TTLL11: variants seen among roughly 807,000 people sequenced by gnomAD.
TTLL11 encodes tubulin polyglutamylase TTLL11.
A neutral mutation model predicts 51.7 loss-of-function variants in TTLL11; 42 were observed. The ratio of observed to expected loss-of-function variants is 0.81; its 90% CI spans 0.64 to 1.05. TTLL11 has a LOEUF of 1.05. Among genes scored for constraint, TTLL11 ranks in the 50% least tolerant of loss-of-function variants. The probability of loss-of-function intolerance (pLI) is 0.00; values close to 1 mark genes in which losing one functional copy is unlikely to be tolerated. For synonymous variants in TTLL11, 381 were observed against 383.5 expected (o/e 0.99, Z 0.08); for missense variants, 799 against 940.4 (o/e 0.85, Z 1.97).
At chr9:122,083,999 G>T (rs371721946) in intron 1 of TTLL11, among the ~76,000 whole-genome samples, 2 of 152,118 alleles carry the variant, frequency 1.3e-5, no homozygotes, top group African/African-American at 4.8e-5. Context: ...GAATTGGAAC[G>T]AAGTTATTTA....
At chr9:121,925,271 C>G (rs962794380) in intron 6 of TTLL11, among the ~76,000 whole-genome samples, 7 of 152,244 alleles carry the variant, frequency 4.6e-5, no homozygotes, top group Non-Finnish European at 7.3e-5. Flanking sequence ...GAGAAAGTGA[C>G]CAAATGTCAC....
intron 6 of TTLL11, among the ~76,000 whole-genome samples, chr9:121,924,977 T>C (rs1840670614): frequency 6.6e-6 from 1 of 152,160 alleles, no homozygotes; most frequent in Admixed American, 6.5e-5. Flanking sequence ...ATTGATTTTG[T>C]TTCTTTTCGA....
At chr9:121,892,958 G>A (rs1025494574) in intron 6 of TTLL11, among the ~76,000 whole-genome samples, 1 of 152,140 alleles carries the variant, frequency 6.6e-6, no homozygotes, top group African/African-American at 2.4e-5. Context: ...CCCTCACTGG[G>A]AAGGGAGCTC....
chr9:121,980,034 A>C (rs1305053416), intron 4 of TTLL11, among the ~76,000 whole-genome samples: 1 of 151,506 alleles, frequency 6.6e-6, no homozygotes, highest in African/African-American at 2.4e-5. Context: ...GCAGTGATAA[A>C]ACAAAACTCC....
intron 8 of TTLL11, 81 bp downstream of exon 8, chr9:121,860,256 C>T: frequency 4.5e-6 from 5 of 1,113,218 alleles, no homozygotes; most frequent in Non-Finnish European, 6.5e-6. Flanking sequence ...CATCTGAACC[C>T]TTGACAAGAA....
intron 1 of TTLL11, among the ~76,000 whole-genome samples, chr9:122,040,817 T>C (rs1844827323): frequency 6.6e-6 from 1 of 152,272 alleles, no homozygotes; most frequent in Admixed American, 6.5e-5. Context: ...ACAACTTCCA[T>C]CTATAATTTA....
intron 6 of TTLL11, among the ~76,000 whole-genome samples, chr9:121,956,539 C>T (rs1842021463): frequency 6.6e-6 from 1 of 152,192 alleles, no homozygotes; most frequent in Non-Finnish European, 1.5e-5. Context: ...GTTTCAATGG[C>T]CTCCCTCGCC....
intron 1 of TTLL11, among the ~76,000 whole-genome samples, chr9:122,088,308 A>T (rs548311138): frequency 2.0e-4 from 31 of 152,282 alleles, no homozygotes; most frequent in Admixed American, 1.4e-3. Context: ...CTCACCTCCC[A>T]GACCAAACTG....
At chr9:122,004,779 A>G (rs924470528) in intron 3 of TTLL11, among the ~76,000 whole-genome samples, 6 of 152,222 alleles carry the variant, frequency 3.9e-5, no homozygotes, top group Admixed American at 1.3e-4. Context: ...TCTTTCCATG[A>G]CACCACGTTG....
In TTLL11 at chr9:121,826,515, G is replaced by GTGTGTGTGTATATATATATGTGTGTA. The variant is rs1424855550; in HGVS notation, c.1841-3637_1841-3636insTACACACATATATATATACACACACA. Among the ~76,000 whole-genome samples the GTGTGTGTGTATATATATATGTGTGTA allele has an allele frequency of 9.6e-4, 33 of 34,452 alleles. 2 individuals are homozygous for GTGTGTGTGTATATATATATGTGTGTA. The East Asian group carries it at 0.018, about 19-fold the overall frequency. 22.6% of individuals were successfully genotyped at this position (34,452 alleles called of 152,430 possible). On this transcript the variant is annotated intron_variant, in intron 8 of 8. Transcript: ENST00000321582. The stretch of plus-strand genomic sequence containing the variant: ...TATATGTGTGTGTATATATATATAT[G>GTGTGTGTGTATATATATATGTGTGTA]TATATATATATATGTGTGTGTGTAT...
chr9:122,086,942 T>G (rs1274093199), intron 1 of TTLL11, among the ~76,000 whole-genome samples: 1 of 152,232 alleles, frequency 6.6e-6, no homozygotes, highest in East Asian at 1.9e-4. Flanking sequence ...TTGAGAATAG[T>G]AATGATGATA....
In TTLL11 at chr9:121,998,703, T is replaced by C. The variant is rs186984491; in HGVS notation, c.694-8933A>G. The stretch of plus-strand genomic sequence containing the variant: ...CTAGCAGTATTGCTCAATTGCAGTA[T>C]TGAGCAATTGCAGTATTGATCAGTG... On this transcript the variant is annotated intron_variant, in intron 3 of 8. Coordinates refer to ENST00000321582, the MANE Select transcript of TTLL11 (RefSeq NM_001139442.2). Among the ~76,000 whole-genome samples, 5 of 152,302 alleles carry C rather than the reference T, an allele frequency of 3.3e-5. No homozygotes were observed. The East Asian group carries it at 9.7e-4, about 29-fold the overall frequency.
At chr9:121,965,414 C>A (rs1006394111) in intron 6 of TTLL11, among the ~76,000 whole-genome samples, 5 of 152,180 alleles carry the variant, frequency 3.3e-5, no homozygotes, top group Non-Finnish European at 7.3e-5. Context: ...GAAGCGGGAG[C>A]TGCCACACAG....
intron 4 of TTLL11, among the ~76,000 whole-genome samples, chr9:121,987,043 T>C (rs1333686756): frequency 6.6e-6 from 1 of 152,104 alleles, no homozygotes; most frequent in Non-Finnish European, 1.5e-5. Flanking sequence ...TACTTTATAA[T>C]AGCATTTTTA....
intron 8 of TTLL11, among the ~76,000 whole-genome samples, chr9:121,839,418 G>T (rs773113103): frequency 4.6e-5 from 7 of 152,118 alleles, no homozygotes; most frequent in African/African-American, 7.2e-5. Context: ...TACACATTGC[G>T]GGGTGATCTT....
intron 7 of TTLL11, among the ~76,000 whole-genome samples, chr9:121,867,025 C>T (rs979672739): frequency 6.6e-6 from 1 of 152,122 alleles, no homozygotes; most frequent in Non-Finnish European, 1.5e-5. Context: ...AGATTTGTGG[C>T]TATATTTTTG....
chr9:121,955,349 C>T (rs1428610597), intron 6 of TTLL11, among the ~76,000 whole-genome samples: 4 of 152,112 alleles, frequency 2.6e-5, no homozygotes, highest in African/African-American at 9.7e-5. Context: ...TAATAAAACT[C>T]ATTTGTTAAA....
chr9:121,870,635 A>C lies in TTLL11; in HGVS notation c.1595T>G (p.Leu532Arg). 1 of 1,551,772 alleles carries C rather than the reference A, an allele frequency of 6.4e-7. No individual in the cohort carries two copies. Among genetic ancestry groups the C allele is most frequent in the Non-Finnish European group, 8.7e-7 (1 of 1,147,014 alleles). Residue 532 changes from leucine (L) to arginine (R), a missense_variant, in exon 7 of 9, where the codon CTC becomes CGC. Leu to Arg is a moderately radical substitution (Grantham distance 102). Coordinates refer to ENST00000321582, the MANE Select transcript of TTLL11 (RefSeq NM_001139442.2). ...TGCGTACTTGGGGAACACCTGCTTG[A>C]GGCAAATGGAAGGCAGGTGGGCTTC... ...NPEAHLPSIC[L>R]KQVFPKYAKQ...
In TTLL11 at chr9:121,826,553, G is replaced by A. The variant is rs796729031; in HGVS notation, c.1841-3674C>T. Among the ~76,000 whole-genome samples, 411 of 45,192 alleles carry A rather than the reference G, an allele frequency of 9.1e-3. 14 individuals are homozygous for A. The highest frequency in any genetic ancestry group is 0.017 in the Middle Eastern group (2 of 120). The allele number at this position is 45,192 out of a possible 152,430, so 29.6% of individuals were successfully genotyped here. On this transcript the variant is annotated intron_variant, in intron 8 of 8. Transcript: ENST00000321582. ...TGTGTGTGTGTATATATATATATGT[G>A]TGTGTATATATATATATATATATAT...
Sources: allele counts gnomAD v4.1 joint callset (sites outside exome capture counted in the v4.1 genomes callset), GRCh38; gene constraint gnomAD v4.1.1; transcripts MANE v1.5; gene names NCBI Gene and HGNC (gene_info 2026-07-23, HGNC 2026-07-21).